Variants in RAP1GAP observed in about 807,000 individuals in gnomAD.
RAP1GAP encodes rap1 GTPase-activating protein 1.
Under a neutral mutation model 87.2 loss-of-function variants are expected in RAP1GAP, and 35 were observed. That is an observed-to-expected ratio of 0.40 (90% CI 0.31 to 0.53). The LOEUF (loss-of-function observed/expected upper bound fraction) is 0.53, where lower values mean the gene tolerates loss of function less well. Ranked by LOEUF, RAP1GAP falls within the 20% of genes least tolerant of loss-of-function variation. The probability of loss-of-function intolerance (pLI) is 0.48; values close to 1 mark genes in which losing one functional copy is unlikely to be tolerated. For missense variants in RAP1GAP, 734 were observed against 898.9 expected (o/e 0.82, Z 2.35); for synonymous variants, 375 against 363.9 (o/e 1.03, Z -0.35).
At chr1:21,648,555 G>C (rs2096283523) in intron 2 of RAP1GAP, among the ~76,000 whole-genome samples, 1 of 36,904 alleles carries the variant, frequency 2.7e-5, no homozygotes, top group South Asian at 1.2e-3. Context: ...AGTTACATGA[G>C]ATAACACGTC....
chr1:21,651,107 TC>T (rs2096531006), intron 1 of RAP1GAP, among the ~76,000 whole-genome samples: 1 of 152,048 alleles, frequency 6.6e-6, no homozygotes, highest in Non-Finnish European at 1.5e-5. Context: ...CAGGCATAAA[TC>T]CCCATCCCAC....
At chr1:21,660,657 C>T (rs890118287) in intron 1 of RAP1GAP, among the ~76,000 whole-genome samples, 2 of 151,934 alleles carry the variant, frequency 1.3e-5, no homozygotes, top group Non-Finnish European at 2.9e-5. Context: ...GAGCTGTGAC[C>T]GTCAGCCTTA....
rs1467592186 is a variant in RAP1GAP at position 21,601,683 on chromosome 1, C to G, written c.1652+1G>C. ...AAGCCCCACGTGCCCTGAGCCCCAACCTGTTCTTGGTCGTGGGCATCTCTG... is the reference window on the plus strand; with the variant it reads ...AAGCCCCACGTGCCCTGAGCCCCAAGCTGTTCTTGGTCGTGGGCATCTCTG... On this transcript the variant is annotated splice_donor_variant, in intron 20 of 24. Transcript: ENST00000374765. LOFTEE classifies it high-confidence loss of function. 2 of 1,600,008 alleles carry G rather than the reference C, an allele frequency of 1.2e-6. No homozygotes were observed.
chr1:21,664,437 A>G (rs1470768592), intron 1 of RAP1GAP, among the ~76,000 whole-genome samples: 1 of 151,912 alleles, frequency 6.6e-6, no homozygotes, highest in Non-Finnish European at 1.5e-5. Context: ...CCCTTAATAG[A>G]CTGACCCCGA....
rs1164354455 is a variant in RAP1GAP at position 21,642,906 on chromosome 1, A to ACACACACACACACACT, written c.-113+6854_-113+6855insAGTGTGTGTGTGTGTG. ...CACACACACACACACACACACACAC[A>ACACACACACACACACT]CACACACACTGCCACTTGGCCCACT... On this transcript the variant is annotated intron_variant, in intron 2 of 24. Transcript: ENST00000374765. 5.4e-4 allele frequency among the ~76,000 whole-genome samples: 82 copies of ACACACACACACACACT among 150,982 alleles called. 1 individual carries two copies. Among genetic ancestry groups the ACACACACACACACACT allele is most frequent in the African/African-American group, 2.0e-3 (80 of 40,758 alleles).
intron 6 of RAP1GAP, 44 bp from the exon 7 acceptor site, chr1:21,617,535 C>A: frequency 6.4e-7 from 1 of 1,551,112 alleles, no homozygotes. Context: ...CTGTACCCCA[C>A]TGGGCGCCCC....
At chr1:21,667,884 C>A (rs1272276241) in intron 1 of RAP1GAP, among the ~76,000 whole-genome samples, 1 of 152,158 alleles carries the variant, frequency 6.6e-6, no homozygotes, top group Non-Finnish European at 1.5e-5. Flanking sequence ...GAACCCTTCC[C>A]AAGGCCATCA....
chr1:21,642,130 C>T (rs1242456922), intron 2 of RAP1GAP, among the ~76,000 whole-genome samples: 1 of 152,236 alleles, frequency 6.6e-6, no homozygotes, highest in Non-Finnish European at 1.5e-5. Flanking sequence ...ACTCCAAAGC[C>T]AGTGTTCTCA....
intron 2 of RAP1GAP, among the ~76,000 whole-genome samples, chr1:21,632,116 G>A (rs1392307083): frequency 6.6e-6 from 1 of 152,194 alleles, no homozygotes; most frequent in Non-Finnish European, 1.5e-5. Context: ...GGCACATTCC[G>A]GGGTCACCTT....
In RAP1GAP at chr1:21,597,981, C is replaced by A; in HGVS notation, c.1963G>T (p.Glu655Ter). 1 of 1,574,138 alleles carries A rather than the reference C, an allele frequency of 6.4e-7. No homozygotes were observed. The highest frequency in any genetic ancestry group is 1.3e-5 in the African/African-American group (1 of 74,228). ...PEIKIQLEAS[E>*]QHMPQLGC ...CGTACCAGCTGGGGCATGTGCTGCT[C>A]AGATGCTTCCAGCTGGATCTTGATC... The change falls in exon 23 of 25, where the codon GAG (glutamate) becomes TAG (stop). Residue 655 changes from glutamate to a stop codon, truncating the protein, a stop_gained. Coordinates refer to ENST00000374765, the MANE Select transcript of RAP1GAP (RefSeq NM_002885.4). LOFTEE classifies it high-confidence loss of function.
chr1:21,655,554 T>C (rs1393473491), intron 1 of RAP1GAP, among the ~76,000 whole-genome samples: 1 of 152,264 alleles, frequency 6.6e-6, no homozygotes, highest in Non-Finnish European at 1.5e-5. Flanking sequence ...GCTTGCTGAC[T>C]GGCACTGGGA....
chr1:21,665,768 G>A (rs2097322425), intron 1 of RAP1GAP, among the ~76,000 whole-genome samples: 1 of 152,180 alleles, frequency 6.6e-6, no homozygotes, highest in South Asian at 2.1e-4. Context: ...CTCCTGGGCT[G>A]ACCCCAGGGT....
chr1:21,655,235 C>T (rs1558904836), intron 1 of RAP1GAP, among the ~76,000 whole-genome samples: 2 of 151,962 alleles, frequency 1.3e-5, no homozygotes, highest in Admixed American at 6.5e-5. Context: ...GTAGGGCTAG[C>T]AAAGATTTAT....
chr1:21,649,576 C>A (rs1297303385), intron 2 of RAP1GAP, among the ~76,000 whole-genome samples, 185 bp downstream of exon 2: 1 of 152,172 alleles, frequency 6.6e-6, no homozygotes, highest in Admixed American at 6.5e-5. Context: ...CTTTGCCTGC[C>A]TCCAAGGCTC....
At chr1:21,617,185 A>G in intron 7 of RAP1GAP, 121 bp downstream of exon 7, 3 of 1,143,962 alleles carry the variant, frequency 2.6e-6, no homozygotes, top group Non-Finnish European at 3.7e-6. Context: ...ACATTCACTC[A>G]GGGCTCTAGG....
intron 3 of RAP1GAP, among the ~76,000 whole-genome samples, chr1:21,620,699 C>T (rs1329959354): frequency 2.0e-5 from 3 of 152,192 alleles, no homozygotes; most frequent in Admixed American, 6.5e-5. Flanking sequence ...TCCTGGAAGG[C>T]GGCATCCCTG....
chr1:21,599,467 G>A (rs1467450651), intron 21 of RAP1GAP, 27 bp downstream of exon 21: 2 of 1,595,980 alleles, frequency 1.3e-6, no homozygotes, highest in Non-Finnish European at 1.7e-6. Context: ...GCTCCTGTGG[G>A]GCCCCTGACC....
intron 19 of RAP1GAP, among the ~76,000 whole-genome samples, chr1:21,602,068 A>G (rs1046348975): frequency 6.4e-4 from 97 of 152,260 alleles, no homozygotes; most frequent in African/African-American, 2.3e-3. Context: ...TGGATAAGGA[A>G]CCTGCCCAGG....
chr1:21,630,655 T>C (rs1202909074), intron 2 of RAP1GAP, among the ~76,000 whole-genome samples: 1 of 152,112 alleles, frequency 6.6e-6, no homozygotes, highest in Non-Finnish European at 1.5e-5. Flanking sequence ...TGGGCTCAAG[T>C]GATCCTTCCC....
Sources: allele counts gnomAD v4.1 joint callset (sites outside exome capture counted in the v4.1 genomes callset), GRCh38; gene constraint gnomAD v4.1.1; transcripts MANE v1.5; gene names NCBI Gene and HGNC (gene_info 2026-07-23, HGNC 2026-07-21).